Variants in MTX3 observed in about 807,000 individuals in gnomAD.
MTX3 encodes the protein metaxin 3, also known as metaxin-3.
In MTX3, 27 loss-of-function variants were observed where a neutral mutation model predicts 42.5. The observed-to-expected ratio is 0.64, with a 90% CI of 0.47 to 0.88. The LOEUF (loss-of-function observed/expected upper bound fraction) is 0.88. Ranked by LOEUF, MTX3 falls within the 40% of genes least tolerant of loss-of-function variation. The pLI, the probability that MTX3 is intolerant of heterozygous loss-of-function variation, is 0.00. For missense variants in MTX3, 378 were observed against 367.0 expected (o/e 1.03, Z -0.25); for synonymous variants, 144 against 132.9 (o/e 1.08, Z -0.57).
Position 79,983,645 on chromosome 5 carries a change from C to T in MTX3, c.*39G>A. 7.0e-7 allele frequency: 1 copy of T among 1,428,372 alleles called. No individual in the cohort carries two copies. Among genetic ancestry groups the T allele is most frequent in the South Asian group, 1.1e-5 (1 of 87,268 alleles). The allele number at this position is 1,428,372 out of a possible 1,614,324, so 88.5% of individuals were successfully genotyped here. On this transcript the variant is annotated 3_prime_UTR_variant, in exon 9 of 9. Transcript: ENST00000512528. ...ACACACTTGGTGTAAGAGATTACTG[C>T]AACAATCGTTTGACTTTGGCCACAA...
chr5:79,990,055 C>G (rs1831595417), intron 3 of MTX3, 105 bp downstream of exon 3: 1 of 573,122 alleles, frequency 1.7e-6, no homozygotes, highest in Non-Finnish European at 3.0e-6. Context: ...CCAGGTATCT[C>G]CAATTGTCTA....
Position 79,983,652 on chromosome 5 carries a change from C to T in MTX3, c.*32G>A. 2.0e-6 allele frequency: 3 copies of T among 1,465,066 alleles called. No homozygotes were observed. Among genetic ancestry groups the T allele is most frequent in the South Asian group, 2.3e-5 (2 of 88,040 alleles). The allele number at this position is 1,465,066 out of a possible 1,614,324, so 90.8% of individuals were successfully genotyped here. Reference sequence around the variant, plus strand: ...TGGTGTAAGAGATTACTGCAACAATCGTTTGACTTTGGCCACAAACCATGA... The same window carrying T: ...TGGTGTAAGAGATTACTGCAACAATTGTTTGACTTTGGCCACAAACCATGA... On this transcript the variant is annotated 3_prime_UTR_variant, in exon 9 of 9. Coordinates refer to ENST00000512528, the MANE Select transcript of MTX3 (RefSeq NM_001363818.2).
rs1337737312 is a variant in MTX3 at position 79,982,613 on chromosome 5, T to G, written c.*1071A>C. On this transcript the variant is annotated 3_prime_UTR_variant, in exon 9 of 9. Coordinates refer to ENST00000512528, the MANE Select transcript of MTX3 (RefSeq NM_001363818.2). Reference sequence around the variant, plus strand: ...TTCAGCAACCAATAAATAGAAAATATTCATTAAAAGCTGCTATTTCTGATT... The same window carrying G: ...TTCAGCAACCAATAAATAGAAAATAGTCATTAAAAGCTGCTATTTCTGATT... 1 of 241,574 alleles carries G rather than the reference T, an allele frequency of 4.1e-6. No individual in the cohort carries two copies. The highest frequency in any genetic ancestry group is 2.3e-5 in the African/African-American group (1 of 44,178). 15.0% of individuals were successfully genotyped at this position (241,574 alleles called of 1,614,324 possible).
At chr5:79,986,735 G>A (rs1368507520) in intron 7 of MTX3, 27 of 580,712 alleles carry the variant, frequency 4.6e-5, no homozygotes, top group Admixed American at 2.9e-4. Context: ...AAAATCCAGC[G>A]GAATAGATAA....
At position 79,990,661 on chromosome 5, in the gene MTX3, A is replaced by C. The variant is rs965344423; in HGVS notation, c.84T>G (p.Ala28=). The C allele has an allele frequency of 6.2e-7, 1 of 1,612,458 alleles. No homozygotes were observed. Among genetic ancestry groups the C allele is most frequent in the African/African-American group, 1.3e-5 (1 of 75,038 alleles). The change falls in exon 2 of 9, where the codon GCT becomes GCG. Residue 28 remains alanine (A), a splice_region_variant and synonymous_variant. Transcript: ENST00000512528. ...AGGGTGCACCAGAAAATTTGGCATAAGCCTGAAACAGAGTTTGCAATCAAA... is the reference window on the plus strand; with the variant it reads ...AGGGTGCACCAGAAAATTTGGCATACGCCTGAAACAGAGTTTGCAATCAAA... The part of the protein sequence containing the change: ...SVHSESLVVM[A]YAKFSGAPLK...
intron 1 of MTX3, 184 bp downstream of exon 1, chr5:79,990,974 C>T (rs1349712615): frequency 2.7e-6 from 2 of 741,802 alleles, no homozygotes; most frequent in East Asian, 5.4e-5. Flanking sequence ...GATGTCGCCG[C>T]CGGCCTTCGG....
At chr5:79,984,847 A>G (rs886261135) in intron 8 of MTX3, among the ~76,000 whole-genome samples, 1 of 152,232 alleles carries the variant, frequency 6.6e-6, no homozygotes, top group Non-Finnish European at 1.5e-5. Context: ...AAGGAGAAAA[A>G]AATAAAACTT....
In MTX3 at chr5:79,988,448, A is replaced by C; in HGVS notation, c.504+14T>G. ...TCTCTAGGGCCCTTGCTTGAAGAAT[A>C]ATCCATACTATACCTGTGCTTCCAC... On this transcript the variant is annotated intron_variant, in intron 5 of 8. Coordinates refer to ENST00000512528, the MANE Select transcript of MTX3 (RefSeq NM_001363818.2). The C allele has an allele frequency of 6.2e-7, 1 of 1,602,196 alleles. No individual in the cohort carries two copies. The highest frequency in any genetic ancestry group is 1.3e-5 in the African/African-American group (1 of 74,122).
chr5:79,977,389 C>T lies in MTX3; in HGVS notation c.*6295G>A, dbSNP rs1261629420. The stretch of plus-strand genomic sequence containing the variant: ...TTTCCAAGGATCTGGGATATGTAAA[C>T]GAAATGATTAAAAGACATTTCTCTG... On this transcript the variant is annotated 3_prime_UTR_variant, in exon 9 of 9. Coordinates refer to ENST00000512528, the MANE Select transcript of MTX3 (RefSeq NM_001363818.2). 3 of 152,214 alleles carry T rather than the reference C, an allele frequency of 2.0e-5. No homozygotes were observed. The highest frequency in any genetic ancestry group is 2.9e-5 in the Non-Finnish European group (2 of 68,022). The allele number at this position is 152,214 out of a possible 1,614,324, so 9.4% of individuals were successfully genotyped here. A position where few individuals can be genotyped will look rare whatever the true frequency, so the allele number is the denominator to read the frequency against.
In MTX3 at chr5:79,989,080, G is replaced by GT. The variant is rs1243341539; in HGVS notation, c.321+71dup. 23 of 1,061,194 alleles carry GT rather than the reference G, an allele frequency of 2.2e-5. No homozygotes were observed. The East Asian group carries it at 4.6e-4, about 21-fold the overall frequency. The allele number at this position is 1,061,194 out of a possible 1,614,324, so 65.7% of individuals were successfully genotyped here. On this transcript the variant is annotated intron_variant, in intron 4 of 8. Coordinates refer to ENST00000512528, the MANE Select transcript of MTX3 (RefSeq NM_001363818.2). The stretch of plus-strand genomic sequence containing the variant: ...TTTTCTCTTAAGACTTTTCTCATTG[G>GT]TTTTTTTCTAAACAGACTATGTACA...
rs571270418 is a variant in MTX3, at chr5:79,988,509, T to A, written c.457A>T (p.Thr153Ser). Residue 153 changes from threonine (T) to serine (S), a missense_variant, in exon 5 of 9, where the codon ACC (threonine) becomes TCC (serine). Transcript: ENST00000512528. ...SKGALNRILL[T>S]RGQPPLYHLR... Reference sequence around the variant, plus strand: ...TGGTAGAGGGGAGGCTGTCCTCTGGTCAGGAGAATCCTATTCAGTGCTCCC... The same window carrying A: ...TGGTAGAGGGGAGGCTGTCCTCTGGACAGGAGAATCCTATTCAGTGCTCCC... The A allele has an allele frequency of 2.4e-5, 39 of 1,613,196 alleles. No individual in the cohort carries two copies. The East Asian group carries it at 8.2e-4, about 34-fold the overall frequency.
rs1433985058 is a variant in MTX3 at position 79,982,441 on chromosome 5, A to G, written c.*1243T>C. The G allele has an allele frequency of 4.4e-6, 2 of 456,452 alleles. No homozygotes were observed. Among genetic ancestry groups the G allele is most frequent in the African/African-American group, 2.0e-5 (1 of 50,080 alleles). The allele number at this position is 456,452 out of a possible 1,614,324, so 28.3% of individuals were successfully genotyped here. A position where few individuals can be genotyped will look rare whatever the true frequency, so the allele number is the denominator to read the frequency against. ...CTTGATAAGATTTGCTGAGCACCAC[A>G]GTAATCTTTTAAGACACTAATCAAA... is the stretch of plus-strand genomic sequence containing the variant. On this transcript the variant is annotated 3_prime_UTR_variant, in exon 9 of 9. Transcript: ENST00000512528.
In MTX3 at chr5:79,977,317, T is replaced by C. The variant is rs898826198; in HGVS notation, c.*6367A>G. On this transcript the variant is annotated 3_prime_UTR_variant, in exon 9 of 9. Coordinates refer to ENST00000512528, the MANE Select transcript of MTX3 (RefSeq NM_001363818.2). ...GCCCCATGACCTTCTCTATGGTTCA[T>C]GACTTACTGAGGGCTGATGCAAACT... 1 of 152,242 alleles carries C rather than the reference T, an allele frequency of 6.6e-6. No homozygotes were observed. The highest frequency in any genetic ancestry group is 2.4e-5 in the African/African-American group (1 of 41,462). The allele number at this position is 152,242 out of a possible 1,614,324, so 9.4% of individuals were successfully genotyped here.
intron 6 of MTX3, 43 bp downstream of exon 6, chr5:79,988,196 T>C (rs772098974): frequency 4.6e-6 from 5 of 1,089,278 alleles, no homozygotes; most frequent in East Asian, 5.1e-5. Flanking sequence ...TCACTGAATA[T>C]ATGTGCACAA....
At chr5:79,985,276 C>T (rs530287217) in intron 8 of MTX3, among the ~76,000 whole-genome samples, 36 of 152,178 alleles carry the variant, frequency 2.4e-4, no homozygotes, top group African/African-American at 7.7e-4. Context: ...CCACCGCGCC[C>T]GGCCGCTTTG....
In MTX3 at chr5:79,979,532, G is replaced by A. The variant is rs1251884978; in HGVS notation, c.*4152C>T. The A allele has an allele frequency of 1.3e-5, 2 of 152,218 alleles. No homozygotes were observed. Among genetic ancestry groups the A allele is most frequent in the Non-Finnish European group, 1.5e-5 (1 of 68,002 alleles). The allele number at this position is 152,218 out of a possible 1,614,324, so 9.4% of individuals were successfully genotyped here. A position where few individuals can be genotyped will look rare whatever the true frequency, so the allele number is the denominator to read the frequency against. ...GACAAAGACAATTACAGCTTAAAAC[G>A]AAAAGCTACACCTTCTTCATTAAAG... On this transcript the variant is annotated 3_prime_UTR_variant, in exon 9 of 9. Coordinates refer to ENST00000512528, the MANE Select transcript of MTX3 (RefSeq NM_001363818.2).
chr5:79,988,713 G>A (rs1580888962), intron 4 of MTX3, 69 bp from the exon 5 acceptor site: 1 of 1,345,274 alleles, frequency 7.4e-7, no homozygotes, highest in East Asian at 2.5e-5. Flanking sequence ...CAATCAACAT[G>A]AGAGTTTTTC....
At position 79,983,571 on chromosome 5, in the gene MTX3, G is replaced by A. The variant is rs943568218; in HGVS notation, c.*113C>T. On this transcript the variant is annotated 3_prime_UTR_variant, in exon 9 of 9. Coordinates refer to ENST00000512528, the MANE Select transcript of MTX3 (RefSeq NM_001363818.2). ...ATAGATGGCATAGAAAGTTCCTTTT[G>A]GTTTAGAGTCTTCCTTAATACCTAT... The A allele has an allele frequency of 1.3e-6, 1 of 753,940 alleles. No homozygotes were observed. The highest frequency in any genetic ancestry group is 2.3e-6 in the Non-Finnish European group (1 of 425,668). The allele number at this position is 753,940 out of a possible 1,614,324, so 46.7% of individuals were successfully genotyped here. A position where few individuals can be genotyped will look rare whatever the true frequency, so the allele number is the denominator to read the frequency against.
intron 8 of MTX3, among the ~76,000 whole-genome samples, chr5:79,984,579 G>A (rs187377906): frequency 6.1e-4 from 92 of 151,618 alleles, no homozygotes; most frequent in African/African-American, 2.2e-3. Context: ...AGGCCTCATT[G>A]CCCTATGAGT....
Sources: allele counts gnomAD v4.1 joint callset (sites outside exome capture counted in the v4.1 genomes callset), GRCh38; gene constraint gnomAD v4.1.1; transcripts MANE v1.5; gene names NCBI Gene and HGNC (gene_info 2026-07-23, HGNC 2026-07-21).